CCSER1: variants seen among roughly 807,000 people sequenced by gnomAD.
CCSER1 encodes coiled-coil serine rich protein 1, also known as serine-rich coiled-coil domain-containing protein 1.
CCSER1 carries 41 observed loss-of-function variants against 82.0 expected under a neutral mutation model. That is an observed-to-expected ratio of 0.50 (90% CI 0.39 to 0.65). The LOEUF is 0.65. Among genes scored for constraint, CCSER1 ranks in the 30% least tolerant of loss-of-function variants. CCSER1 has a pLI of 0.00. For missense variants in CCSER1, 1,119 were observed against 1,064.2 expected, an observed-to-expected ratio of 1.05 and a Z score of -0.72; for synonymous variants, 414 against 383.9, an observed-to-expected ratio of 1.08 and a Z score of -0.92.
At chr4:90,133,653 G>A (rs1165160756) in intron 1 of CCSER1, among the ~76,000 whole-genome samples, 3 of 151,964 alleles carry the variant, frequency 2.0e-5, no homozygotes, top group Non-Finnish European at 4.4e-5. Flanking sequence ...CCTTTCCACC[G>A]AACCCTTGCT....
intron 10 of CCSER1, among the ~76,000 whole-genome samples, chr4:91,531,118 A>C (rs1761008702): frequency 6.6e-6 from 1 of 152,208 alleles, no homozygotes; most frequent in African/African-American, 2.4e-5. Context: ...GTATATAGGT[A>C]GTAATTAGAC....
At chr4:91,432,101 T>C (rs1254589325) in intron 10 of CCSER1, among the ~76,000 whole-genome samples, 1 of 152,130 alleles carries the variant, frequency 6.6e-6, no homozygotes, top group African/African-American at 2.4e-5. Flanking sequence ...TTTCAAAGTT[T>C]GTAGCAGTTC....
At chr4:91,016,316 T>G (rs779187290) in intron 9 of CCSER1, among the ~76,000 whole-genome samples, 45 of 152,046 alleles carry the variant, frequency 3.0e-4, no homozygotes, top group Non-Finnish European at 5.6e-4. Context: ...AAATTCATTC[T>G]GAATGTATCG....
intron 7 of CCSER1, among the ~76,000 whole-genome samples, chr4:90,765,027 G>T (rs1487965348): frequency 6.6e-6 from 1 of 151,972 alleles, no homozygotes; most frequent in Non-Finnish European, 1.5e-5. Context: ...CCAATGAAAA[G>T]TAGAGAAAAA....
At chr4:91,385,313 CA>C (rs1277535587) in intron 10 of CCSER1, among the ~76,000 whole-genome samples, 3 of 151,470 alleles carry the variant, frequency 2.0e-5, no homozygotes, top group African/African-American at 7.3e-5. Context: ...AAACAAAGTG[CA>C]AAAAAGAACA....
At chr4:91,573,456 G>A (rs1040784125) in intron 10 of CCSER1, among the ~76,000 whole-genome samples, 2 of 152,160 alleles carry the variant, frequency 1.3e-5, no homozygotes, top group Admixed American at 6.5e-5. Context: ...GGGTCTCCAC[G>A]CATGCCTGAG....
chr4:91,409,350 C>G (rs1453388780), intron 10 of CCSER1, among the ~76,000 whole-genome samples: 1 of 152,034 alleles, frequency 6.6e-6, no homozygotes, highest in Admixed American at 6.6e-5. Context: ...TTTTGCTGTT[C>G]TATTTATCAC....
In CCSER1 at chr4:90,805,853, C is replaced by A. The variant is rs190517379; in HGVS notation, c.2011-9909C>A. Among the ~76,000 whole-genome samples, 400 of 152,090 alleles carry A rather than the reference C, an allele frequency of 2.6e-3. 4 individuals are homozygous for A. Among genetic ancestry groups the A allele is most frequent in the Non-Finnish European group, 3.0e-3 (202 of 67,990 alleles). On this transcript the variant is annotated intron_variant, in intron 7 of 10. Coordinates refer to ENST00000509176, the MANE Select transcript of CCSER1 (RefSeq NM_001145065.2). The stretch of plus-strand genomic sequence containing the variant: ...TAATGGAATAACTTCATTTTGAATA[C>A]CAAGAATATTAAAATCCTGTTCATT...
intron 1 of CCSER1, among the ~76,000 whole-genome samples, chr4:90,288,928 T>C (rs993528761): frequency 3.9e-5 from 6 of 151,962 alleles, no homozygotes; most frequent in Admixed American, 6.6e-5. Context: ...GATAAATTAC[T>C]CAGGGAGTCT....
intron 5 of CCSER1, among the ~76,000 whole-genome samples, chr4:90,542,098 AT>A (rs1776181407): frequency 6.6e-6 from 1 of 152,106 alleles, no homozygotes; most frequent in African/African-American, 2.4e-5. Flanking sequence ...TTTTATAACA[AT>A]TTGTTTGAAA....
chr4:91,218,303 C>G (rs144943283), intron 10 of CCSER1, among the ~76,000 whole-genome samples: 5,681 of 152,320 alleles, frequency 0.037, 178 homozygotes, highest in African/African-American at 0.079. Flanking sequence ...GGAACTCCAG[C>G]TGGCCCGCAA....
At chr4:91,033,907 CT>C (rs1042865374) in intron 9 of CCSER1, among the ~76,000 whole-genome samples, 4 of 152,084 alleles carry the variant, frequency 2.6e-5, no homozygotes, top group African/African-American at 7.2e-5. Context: ...AGACAATTTG[CT>C]TTTTTTGAGT....
At chr4:90,492,885 A>G (rs1042407356) in intron 5 of CCSER1, among the ~76,000 whole-genome samples, 1 of 152,118 alleles carries the variant, frequency 6.6e-6, no homozygotes. Flanking sequence ...TCTGAGAGAT[A>G]GTTTGTTAAA....
chr4:90,659,504 A>T (rs7658249), intron 6 of CCSER1, among the ~76,000 whole-genome samples: 4,805 of 152,176 alleles, frequency 0.032, 188 homozygotes, highest in African/African-American at 0.092. Context: ...CATCATGATC[A>T]TCATTACAAC....
intron 4 of CCSER1, among the ~76,000 whole-genome samples, chr4:90,435,330 T>C (rs1578450562): frequency 6.6e-6 from 1 of 152,058 alleles, no homozygotes; most frequent in African/African-American, 2.4e-5. Context: ...TATTGGGCCA[T>C]TCAATTCAAA....
Position 90,309,466 on chromosome 4 carries a change from T to G in CCSER1, c.1182T>G (p.Leu394=), listed in dbSNP as rs2153479136. The change falls in exon 2 of 11, where the codon CTT becomes CTG. Residue 394 remains leucine (L), a synonymous_variant. Transcript: ENST00000509176. ...TMLGTNSPRK[L]GFYEQHKAIA... ...TGGGGACAAACTCCCCAAGGAAACT[T>G]GGATTTTATGAGCAACATAAAGCAA... is the stretch of plus-strand genomic sequence containing the variant. 1.2e-6 allele frequency: 2 copies of G among 1,613,818 alleles called. No homozygotes were observed. Among genetic ancestry groups the G allele is most frequent in the East Asian group, 2.2e-5 (1 of 44,860 alleles).
intron 5 of CCSER1, among the ~76,000 whole-genome samples, chr4:90,627,380 A>G (rs572727705): frequency 1.3e-5 from 2 of 151,902 alleles, no homozygotes; most frequent in Non-Finnish European, 2.9e-5. Context: ...TTGCTAAAGT[A>G]TCTTGTCATA....
chr4:90,483,944 C>T lies in CCSER1; in HGVS notation c.1724+15590C>T, dbSNP rs1021571111. Among the ~76,000 whole-genome samples, 40 of 152,178 alleles carry T rather than the reference C, an allele frequency of 2.6e-4. 1 individual carries two copies. The highest frequency in any genetic ancestry group is 2.2e-3 in the Admixed American group (33 of 15,272). On this transcript the variant is annotated intron_variant, in intron 5 of 10. Transcript: ENST00000509176. ...TGCCTTGCTAGATTGGGGAAGTTGT[C>T]CTGGATAATATCCTGCAGAGTGTTT...
At chr4:90,780,415 T>G (rs1554012154) in intron 7 of CCSER1, 2 of 1,603,780 alleles carry the variant, frequency 1.2e-6, no homozygotes, top group Non-Finnish European at 1.7e-6. Context: ...ATATAAGGAC[T>G]GTTATTTATT....
Sources: allele counts gnomAD v4.1 joint callset (sites outside exome capture counted in the v4.1 genomes callset), GRCh38; gene constraint gnomAD v4.1.1; transcripts MANE v1.5; gene names NCBI Gene and HGNC (gene_info 2026-07-23, HGNC 2026-07-21).